Variants in KLHL13 observed in about 807,000 individuals in gnomAD.
KLHL13 encodes kelch like family member 13.
In KLHL13, 10 loss-of-function variants were observed where a neutral mutation model predicts 37.1. The ratio of observed to expected loss-of-function variants is 0.27; its 90% confidence interval spans 0.17 to 0.46. KLHL13 has a LOEUF of 0.46. Ranked by LOEUF, KLHL13 falls within the 20% of genes least tolerant of loss-of-function variation. KLHL13 has a pLI of 1.00. For missense variants in KLHL13, 360 were observed against 509.3 expected (o/e 0.71, Z 2.82); for synonymous variants, 163 against 181.2 (o/e 0.90, Z 0.81).
chrX:117,965,922 T>C (rs2053418979), intron 1 of KLHL13, among the ~76,000 whole-genome samples: 1 of 111,468 alleles, frequency 9.0e-6, no homozygotes, highest in Non-Finnish European at 1.9e-5. Flanking sequence ...ATAAGAGCTA[T>C]CTATGACAAA....
At chrX:118,063,090 T>C (rs2054758763) in intron 1 of KLHL13, among the ~76,000 whole-genome samples, 1 of 111,659 alleles carries the variant, frequency 9.0e-6, no homozygotes, top group Non-Finnish European at 1.9e-5. Context: ...GGTTAAGGGA[T>C]GATCTAAATA....
At position 117,997,968 on chromosome X, in the gene KLHL13, T is replaced by G. The variant is rs148686446; in HGVS notation, c.-55-52393A>C. On this transcript the variant is annotated intron_variant, in intron 1 of 6. Transcript: ENST00000371882. The stretch of plus-strand genomic sequence containing the variant: ...CTCTACTAATTACAAAGCACTTTCA[T>G]GTCCTTGATTTCATTAATTTATGAT... 5.8e-3 allele frequency among the ~76,000 whole-genome samples: 649 copies of G among 112,093 alleles called. 6 individuals are homozygous for G. The highest frequency in any genetic ancestry group is 9.1e-3 in the Non-Finnish European group (482 of 53,169).
At position 118,111,755 on chromosome X, in the gene KLHL13, G is replaced by C. The variant is rs6646095; in HGVS notation, c.-56+4753C>G. 6.8e-3 allele frequency among the ~76,000 whole-genome samples: 767 copies of C among 112,063 alleles called. 8 individuals are homozygous for C. The highest frequency in any genetic ancestry group is 0.021 in the African/African-American group (663 of 30,842). ...AAAATACAAAAAACTAGCCTGGCGT[G>C]GTGGCACGCACCTGTAGTCCCAGCT... On this transcript the variant is annotated intron_variant, in intron 1 of 6. Coordinates refer to the KLHL13 transcript ENST00000371882.
intron 1 of KLHL13, among the ~76,000 whole-genome samples, chrX:118,005,488 A>G (rs1000613970): frequency 2.7e-5 from 3 of 111,590 alleles, no homozygotes; most frequent in Non-Finnish European, 3.8e-5. Flanking sequence ...CTAACATAGC[A>G]AGAGATGATG....
chrX:118,019,676 G>A (rs1464449647), intron 1 of KLHL13, among the ~76,000 whole-genome samples: 2 of 111,002 alleles, frequency 1.8e-5, no homozygotes, highest in Non-Finnish European at 3.8e-5. Flanking sequence ...TGTATAAGGT[G>A]TAAGGAAGAG....
intron 1 of KLHL13, among the ~76,000 whole-genome samples, chrX:118,079,154 G>A (rs2054960709): frequency 9.0e-6 from 1 of 110,605 alleles, no homozygotes; most frequent in Admixed American, 9.7e-5. Flanking sequence ...AGCACAAATA[G>A]GGCAAATGAT....
intron 1 of KLHL13, among the ~76,000 whole-genome samples, chrX:118,011,921 A>G (rs1397344700): frequency 8.9e-6 from 1 of 112,637 alleles, no homozygotes; most frequent in African/African-American, 3.2e-5. Context: ...CATAAATTAT[A>G]CAATTGGATA....
intron 1 of KLHL13, among the ~76,000 whole-genome samples, chrX:118,022,029 G>A (rs1490629736): frequency 8.9e-6 from 1 of 111,938 alleles, no homozygotes; most frequent in Non-Finnish European, 1.9e-5. Context: ...CTGCATAAAT[G>A]TCTTCTTTTG....
At chrX:117,931,227 G>A (rs1405042960) in intron 2 of KLHL13, among the ~76,000 whole-genome samples, 1 of 112,108 alleles carries the variant, frequency 8.9e-6, no homozygotes, top group Non-Finnish European at 1.9e-5. Flanking sequence ...AACACAAAAA[G>A]AGCAGTCCAA....
intron 1 of KLHL13, among the ~76,000 whole-genome samples, chrX:118,086,254 C>T (rs1469671362): frequency 9.1e-6 from 1 of 110,120 alleles, no homozygotes; most frequent in Non-Finnish European, 1.9e-5. Context: ...TATATAATGG[C>T]TTTTTTTTTC....
In KLHL13 at chrX:117,908,336, T is replaced by A. The variant is rs1276616122; in HGVS notation, c.1366+965A>T. Among the ~76,000 whole-genome samples the A allele has an allele frequency of 2.7e-5, 3 of 109,159 alleles. No individual in the cohort carries two copies. In the East Asian group the frequency reaches 8.5e-4, roughly 31 times the overall value. 94.8% of individuals were successfully genotyped at this position (109,159 alleles called of 115,157 possible). On this transcript the variant is annotated intron_variant, in intron 5 of 6. Transcript: ENST00000262820. ...GTATACACGTGCCATGGTGGTTTGC[T>A]GCACCCATCAACCTGTCACCTACAT...
chrX:118,045,182 G>A (rs2054545475), intron 1 of KLHL13, among the ~76,000 whole-genome samples: 1 of 109,438 alleles, frequency 9.1e-6, no homozygotes, highest in Non-Finnish European at 1.9e-5. Context: ...GACCATCCTG[G>A]CTAACACAGT....
intron 1 of KLHL13, among the ~76,000 whole-genome samples, chrX:118,042,941 C>G (rs2054520483): frequency 9.5e-6 from 1 of 105,103 alleles, no homozygotes; most frequent in Non-Finnish European, 2.0e-5. Flanking sequence ...TACAAAAGAT[C>G]AACAAAATGA....
At chrX:118,000,402 A>ATGG (rs1569286517) in intron 1 of KLHL13, among the ~76,000 whole-genome samples, 7 of 112,090 alleles carry the variant, frequency 6.2e-5, no homozygotes, top group Non-Finnish European at 1.1e-4. Context: ...ACATCCAAAG[A>ATGG]TTATAACCAA....
intron 2 of KLHL13, among the ~76,000 whole-genome samples, chrX:117,941,566 A>C (rs2147788056): frequency 9.0e-6 from 1 of 111,334 alleles, no homozygotes; most frequent in Admixed American, 9.5e-5. Context: ...TAGTCTTGGG[A>C]GGGTGTATGT....
chrX:118,051,540 C>T (rs1569303414), intron 1 of KLHL13, among the ~76,000 whole-genome samples: 1 of 108,881 alleles, frequency 9.2e-6, no homozygotes, highest in African/African-American at 3.4e-5. Flanking sequence ...GACTTCATCT[C>T]AAAAAAAGTA....
chrX:117,899,383 T>C (rs1382529951), exon 7 of KLHL13: 6 of 1,190,231 alleles, frequency 5.0e-6, no homozygotes, highest in Non-Finnish European at 6.8e-6. Context: ...GAAAGTATCA[T>C]GAGTAATTCC....
intron 1 of KLHL13, among the ~76,000 whole-genome samples, chrX:118,094,980 T>A (rs1443120061): frequency 1.8e-5 from 2 of 110,462 alleles, no homozygotes; most frequent in African/African-American, 3.3e-5. Flanking sequence ...AAACTGCATC[T>A]ACTAACGAGC....
chrX:117,935,384 T>C (rs1932724327), intron 2 of KLHL13, among the ~76,000 whole-genome samples: 1 of 112,554 alleles, frequency 8.9e-6, no homozygotes, highest in Non-Finnish European at 1.9e-5. Flanking sequence ...TATGATTCCA[T>C]TTATATGAAA....
Sources: allele counts gnomAD v4.1 joint callset (sites outside exome capture counted in the v4.1 genomes callset), GRCh38; gene constraint gnomAD v4.1.1; transcripts MANE v1.5; gene names NCBI Gene and HGNC (gene_info 2026-07-23, HGNC 2026-07-21).